The following USP8 variants were observed in gnomAD, a reference collection of about 807,000 sequenced individuals.
USP8 encodes the protein ubiquitin specific peptidase 8, also known as ubiquitin carboxyl-terminal hydrolase 8.
A neutral mutation model predicts 130.0 loss-of-function variants in USP8; 27 were observed. The observed-to-expected ratio is 0.21, with a 90% confidence interval of 0.15 to 0.29. The LOEUF is 0.29. Among genes scored for constraint, USP8 ranks in the 10% least tolerant of loss-of-function variants. USP8 has a pLI of 1.00. For synonymous variants in USP8, 392 were observed against 444.1 expected, an observed-to-expected ratio of 0.88 and a Z score of 1.48; for missense variants, 1,029 against 1,312.2, an observed-to-expected ratio of 0.78 and a Z score of 3.33.
chr15:50,461,108 T>TC (rs1339425273), intron 5 of USP8, among the ~76,000 whole-genome samples: 2 of 151,890 alleles, frequency 1.3e-5, no homozygotes, highest in Non-Finnish European at 2.9e-5. Flanking sequence ...TTCTCCTCCC[T>TC]CAGCCTTCCA....
chr15:50,470,477 C>T (rs543092677), intron 7 of USP8, among the ~76,000 whole-genome samples: 1 of 152,180 alleles, frequency 6.6e-6, no homozygotes, highest in South Asian at 2.1e-4. Context: ...TAGGGAAGAG[C>T]ATGCCTGGAT....
Position 50,439,178 on chromosome 15 carries a change from G to A in USP8, c.104+1G>A. 6.7e-7 allele frequency: 1 copy of A among 1,489,782 alleles called. No individual in the cohort carries two copies. The highest frequency in any genetic ancestry group is 9.0e-7 in the Non-Finnish European group (1 of 1,111,988). 92.3% of individuals were successfully genotyped at this position (1,489,782 alleles called of 1,614,324 possible). On this transcript the variant is annotated splice_donor_variant, in intron 2 of 19. Transcript: ENST00000307179. LOFTEE classifies it high-confidence loss of function. ...AACCAGAGAAAATAAGCACTAAGAG[G>A]TATGATGTATCCTTCGCTAGTTTGA...
rs1435164755 is a variant in USP8, at chr15:50,439,064, A to G, written c.-10A>G. On this transcript the variant is annotated 5_prime_UTR_variant, in exon 2 of 20. Coordinates refer to ENST00000307179, the MANE Select transcript of USP8 (RefSeq NM_005154.5). ...CCATTGTGAAAGTGGAAAAGTAAAG[A>G]TAATTCATCATGCCTGCTGTGGCTT... 13 of 1,598,204 alleles carry G rather than the reference A, an allele frequency of 8.1e-6. No individual in the cohort carries two copies. The highest frequency in any genetic ancestry group is 2.2e-5 in the East Asian group (1 of 44,464).
At position 50,500,969 on chromosome 15, in the gene USP8, G is replaced by T; in HGVS notation, c.*1881G>T. On this transcript the variant is annotated 3_prime_UTR_variant, in exon 20 of 20. Transcript: ENST00000307179. The stretch of plus-strand genomic sequence containing the variant: ...ATTAAAAGGAAGTGATAATTTTGTT[G>T]TTAAATCATGCATATAGCCTGACTG... 1.3e-6 allele frequency: 1 copy of T among 760,616 alleles called. No individual in the cohort carries two copies. The highest frequency in any genetic ancestry group is 2.2e-6 in the Non-Finnish European group (1 of 458,832). 47.1% of individuals were successfully genotyped at this position (760,616 alleles called of 1,614,324 possible).
chr15:50,463,054 C>A (rs984594849), intron 6 of USP8, among the ~76,000 whole-genome samples: 2 of 152,018 alleles, frequency 1.3e-5, no homozygotes, highest in African/African-American at 4.8e-5. Flanking sequence ...TCAAGACCAG[C>A]CTAGGTAACA....
At chr15:50,454,469 T>C (rs1166582904) in intron 4 of USP8, among the ~76,000 whole-genome samples, 4 of 151,278 alleles carry the variant, frequency 2.6e-5, no homozygotes, top group Non-Finnish European at 5.9e-5. Flanking sequence ...TTTTTTTTTT[T>C]CAGATGGAGT....
chr15:50,431,163 C>CTGTGTGTGTGTGTGTGTGTGTGTG (rs2049919971), intron 1 of USP8, among the ~76,000 whole-genome samples: 1 of 10,758 alleles, frequency 9.3e-5, no homozygotes, highest in African/African-American at 5.2e-4. Context: ...GTGTGTGTGC[C>CTGTGTGTGTGTGTGTGTGTGTGTG]TCTGTGTGTG....
intron 4 of USP8, among the ~76,000 whole-genome samples, chr15:50,454,570 C>G (rs1055702016): frequency 6.6e-6 from 1 of 151,032 alleles, no homozygotes; most frequent in South Asian, 2.1e-4. Context: ...ATTCTCCTAT[C>G]TTAGCCTCCC....
intron 12 of USP8, among the ~76,000 whole-genome samples, chr15:50,485,044 G>A (rs2051905287): frequency 2.6e-5 from 4 of 152,166 alleles, no homozygotes; most frequent in Admixed American, 1.3e-4. Flanking sequence ...GATGAAAAGA[G>A]TTCTGGAGAT....
intron 8 of USP8, among the ~76,000 whole-genome samples, chr15:50,472,657 T>C (rs2051421152): frequency 6.7e-6 from 1 of 149,310 alleles, no homozygotes; most frequent in Admixed American, 6.7e-5. Flanking sequence ...ATGCCTGTAA[T>C]CCCAACACTT....
At chr15:50,494,430 G>T in intron 16 of USP8, 150 bp downstream of exon 16, 2 of 655,410 alleles carry the variant, frequency 3.1e-6, no homozygotes, top group Admixed American at 3.6e-5. Context: ...AAAACATCAG[G>T]TAAGTGTAAT....
chr15:50,441,969 C>CTTTTTTTTT (rs1011150634), intron 3 of USP8, among the ~76,000 whole-genome samples: 4 of 81,440 alleles, frequency 4.9e-5, no homozygotes, highest in Non-Finnish European at 6.6e-5. Context: ...CTCCCTAAAT[C>CTTTTTTTTT]TTTTTTTTTT....
chr15:50,444,529 G>T (rs1399432514), intron 3 of USP8: 1 of 151,788 alleles, frequency 6.6e-6, no homozygotes, highest in African/African-American at 2.4e-5. Context: ...TCTTGAGAAG[G>T]TAGTGAGTAC....
At chr15:50,446,009 T>C (rs1567607440) in intron 3 of USP8, among the ~76,000 whole-genome samples, 1 of 152,188 alleles carries the variant, frequency 6.6e-6, no homozygotes, top group Non-Finnish European at 1.5e-5. Flanking sequence ...AAAGAAAATG[T>C]ATTGAAAATA....
At chr15:50,448,605 C>T (rs1480382053) in intron 3 of USP8, among the ~76,000 whole-genome samples, 12 of 151,926 alleles carry the variant, frequency 7.9e-5, no homozygotes, top group South Asian at 2.1e-4. Context: ...CTGCAACCTC[C>T]GCCTCCTGGG....
chr15:50,493,930 G>A, intron 15 of USP8, 140 bp from the exon 16 acceptor site: 1 of 1,008,250 alleles, frequency 9.9e-7, no homozygotes. Flanking sequence ...GAATCTGGTG[G>A]TGAGCCTGCA....
In USP8 at chr15:50,447,185, C is replaced by G. The variant is rs73403133; in HGVS notation, c.250-2215C>G. On this transcript the variant is annotated intron_variant, in intron 3 of 19. Coordinates refer to ENST00000307179, the MANE Select transcript of USP8 (RefSeq NM_005154.5). ...AGAAAAATTTAATTCTTCATATGCT[C>G]CAGGTTGTATTGTGCTACTGGACGC... is the stretch of plus-strand genomic sequence containing the variant. Among the ~76,000 whole-genome samples, 357 of 152,226 alleles carry G rather than the reference C, an allele frequency of 2.3e-3. 2 individuals are homozygous for G. Among genetic ancestry groups the G allele is most frequent in the African/African-American group, 8.0e-3 (333 of 41,518 alleles).
At chr15:50,484,138 T>C (rs2051869770) in intron 11 of USP8, 137 bp from the exon 12 acceptor site, 4 of 570,674 alleles carry the variant, frequency 7.0e-6, no homozygotes, top group Admixed American at 3.8e-5. Flanking sequence ...CAGTAAAATA[T>C]AATAAAATTT....
rs758639669 is a variant in USP8, at chr15:50,514,239, C to A, written c.*15151C>A. On this transcript the variant is annotated 3_prime_UTR_variant, in exon 20 of 20. Coordinates refer to ENST00000307179, the MANE Select transcript of USP8 (RefSeq NM_005154.5). ...TCTATAAATCTGTCCTGCCAGAAGT[C>A]AGTGGTTTTCCAGACTCGAAGGCAG... The A allele has an allele frequency of 6.6e-6, 1 of 152,164 alleles. No individual in the cohort carries two copies. Among genetic ancestry groups the A allele is most frequent in the Admixed American group, 6.5e-5 (1 of 15,282 alleles). 9.4% of individuals were successfully genotyped at this position (152,164 alleles called of 1,614,324 possible). A position where few individuals can be genotyped will look rare whatever the true frequency, so the allele number is the denominator to read the frequency against.
Sources: gnomAD v4.1 joint callset for allele counts (sites outside exome capture counted in the v4.1 genomes callset) on GRCh38, gnomAD v4.1.1 for gene constraint, MANE v1.5 for transcripts, NCBI Gene and HGNC (gene_info 2026-07-23, HGNC 2026-07-21) for gene names.